HHAT: variants seen among roughly 807,000 people sequenced by gnomAD.
HHAT encodes protein-cysteine N-palmitoyltransferase HHAT.
HHAT carries 47 observed loss-of-function variants against 70.8 expected under a neutral mutation model. The observed-to-expected ratio is 0.66, with a 90% CI of 0.53 to 0.85. The LOEUF is 0.85. Among genes scored for constraint, HHAT ranks in the 40% least tolerant of loss-of-function variants. The pLI is 0.00. For missense variants in HHAT, 609 were observed against 604.8 expected, an observed-to-expected ratio of 1.01 and a Z score of -0.07; for synonymous variants, 228 against 247.6, an observed-to-expected ratio of 0.92 and a Z score of 0.74.
At chr1:210,368,723 C>G (rs12143538) in intron 3 of HHAT, among the ~76,000 whole-genome samples, 1 of 151,916 alleles carries the variant, frequency 6.6e-6, no homozygotes, top group Non-Finnish European at 1.5e-5. Flanking sequence ...ATACCTGTTA[C>G]TGTGGTTATT....
intron 4 of HHAT, among the ~76,000 whole-genome samples, chr1:210,389,786 A>G (rs2148151930): frequency 1.3e-5 from 2 of 152,294 alleles, no homozygotes; most frequent in Middle Eastern, 6.8e-3. Flanking sequence ...AAACAGACTA[A>G]TACAACTGAT....
At chr1:210,520,473 T>A (rs1173186210) in intron 9 of HHAT, among the ~76,000 whole-genome samples, 1 of 152,196 alleles carries the variant, frequency 6.6e-6, no homozygotes, top group East Asian at 1.9e-4. Flanking sequence ...GTTTGGTGGT[T>A]TTCTGTGTTG....
intron 11 of HHAT, chr1:210,631,169 A>G (rs1216545913): frequency 2.2e-6 from 1 of 454,348 alleles, no homozygotes; most frequent in Non-Finnish European, 4.4e-6. Flanking sequence ...ACTAAGCAGC[A>G]ATATCAGGTG....
At chr1:210,539,473 A>C (rs1349168937) in intron 9 of HHAT, among the ~76,000 whole-genome samples, 4 of 152,320 alleles carry the variant, frequency 2.6e-5, no homozygotes, top group African/African-American at 9.6e-5. Flanking sequence ...TCTCCTGCTA[A>C]AGTGGTAGGA....
intron 8 of HHAT, among the ~76,000 whole-genome samples, chr1:210,502,554 G>T (rs2094779232): frequency 6.6e-6 from 1 of 152,088 alleles, no homozygotes; most frequent in South Asian, 2.1e-4. Context: ...GCATAATTGT[G>T]GGAAAATCAT....
chr1:210,398,420 A>C (rs571115577), intron 4 of HHAT, among the ~76,000 whole-genome samples: 1 of 152,308 alleles, frequency 6.6e-6, no homozygotes, highest in South Asian at 2.1e-4. Flanking sequence ...GTTTGGCAGT[A>C]GGGAAACAGT....
At chr1:210,474,065 C>T (rs2094257198) in intron 8 of HHAT, among the ~76,000 whole-genome samples, 1 of 152,148 alleles carries the variant, frequency 6.6e-6, no homozygotes, top group Non-Finnish European at 1.5e-5. Context: ...TCATCTTCTA[C>T]ACTCCATCTA....
At chr1:210,351,022 A>T (rs1174607042) in intron 2 of HHAT, among the ~76,000 whole-genome samples, 1 of 152,228 alleles carries the variant, frequency 6.6e-6, no homozygotes, top group East Asian at 1.9e-4. Flanking sequence ...TAGATATAAA[A>T]GGAGATTTAT....
intron 10 of HHAT, among the ~76,000 whole-genome samples, chr1:210,605,645 C>A (rs1463158787): frequency 1.3e-5 from 2 of 152,160 alleles, no homozygotes; most frequent in Admixed American, 1.3e-4. Flanking sequence ...AGGAGAAAAA[C>A]TGAAACCTGA....
At chr1:210,440,209 G>C (rs1015296145) in intron 7 of HHAT, among the ~76,000 whole-genome samples, 2 of 151,672 alleles carry the variant, frequency 1.3e-5, no homozygotes, top group African/African-American at 4.9e-5. Flanking sequence ...TTGTAAGTTG[G>C]GTTCCCCAGG....
chr1:210,448,081 CT>C (rs34807311), intron 7 of HHAT, among the ~76,000 whole-genome samples: 56,008 of 136,588 alleles, frequency 0.41, 11,006 homozygotes, highest in Admixed American at 0.47. Flanking sequence ...GTTAGAGGTT[CT>C]TTTTTTTTTT....
chr1:210,609,800 A>G (rs139720834), intron 10 of HHAT, among the ~76,000 whole-genome samples: 2,362 of 152,262 alleles, frequency 0.016, 90 homozygotes, highest in African/African-American at 0.054. Flanking sequence ...GCTGAGGATA[A>G]TGGCTTTCAA....
At chr1:210,569,574 G>A (rs1655721446) in intron 9 of HHAT, among the ~76,000 whole-genome samples, 1 of 151,792 alleles carries the variant, frequency 6.6e-6, no homozygotes, top group African/African-American at 2.4e-5. Context: ...CTTGATTCAG[G>A]AAGGCAAGGA....
upstream of HHAT, chr1:210,328,888 C>G (rs931816213): frequency 3.2e-6 from 2 of 629,980 alleles, no homozygotes; most frequent in African/African-American, 3.8e-5. Flanking sequence ...CGAGTCCGGG[C>G]GCGGAGGGCG....
chr1:210,623,320 C>T (rs890455598), intron 10 of HHAT, among the ~76,000 whole-genome samples: 1 of 152,186 alleles, frequency 6.6e-6, no homozygotes, highest in Non-Finnish European at 1.5e-5. Context: ...GTGATCCTCC[C>T]ACCTTGGCCT....
chr1:210,438,263 ACT>A (rs1457467476), intron 7 of HHAT, among the ~76,000 whole-genome samples: 1 of 151,564 alleles, frequency 6.6e-6, no homozygotes, highest in Non-Finnish European at 1.5e-5. Flanking sequence ...GGATCAGATA[ACT>A]CTAGTTGATA....
intron 10 of HHAT, among the ~76,000 whole-genome samples, chr1:210,603,286 A>C (rs886689434): frequency 1.3e-5 from 2 of 151,998 alleles, no homozygotes; most frequent in South Asian, 4.2e-4. Context: ...TGTGAATGTA[A>C]ATGGTTGAAA....
At chr1:210,480,997 A>C (rs1338721256) in intron 8 of HHAT, among the ~76,000 whole-genome samples, 1 of 152,202 alleles carries the variant, frequency 6.6e-6, no homozygotes, top group Non-Finnish European at 1.5e-5. Flanking sequence ...CAAAACAGGC[A>C]AAAGCACATA....
At chr1:210,442,141 A>G (rs966720427) in intron 7 of HHAT, among the ~76,000 whole-genome samples, 5 of 146,984 alleles carry the variant, frequency 3.4e-5, no homozygotes, top group South Asian at 2.2e-4. Context: ...GAGAATGATG[A>G]TTTCCAATTT....
Sources: allele counts gnomAD v4.1 joint callset (sites outside exome capture counted in the v4.1 genomes callset), GRCh38; gene constraint gnomAD v4.1.1; transcripts MANE v1.5; gene names NCBI Gene and HGNC (gene_info 2026-07-23, HGNC 2026-07-21).